The following ZSCAN5A variants were observed in gnomAD, a reference collection of about 807,000 sequenced individuals.
ZSCAN5A encodes the protein zinc finger and SCAN domain containing 5A, also known as zinc finger and SCAN domain-containing protein 5A.
A neutral mutation model predicts 23.7 loss-of-function variants in ZSCAN5A; 12 were observed. That is an observed-to-expected ratio of 0.51 (90% CI 0.32 to 0.82). The LOEUF (loss-of-function observed/expected upper bound fraction) is 0.82, where lower values mean the gene tolerates loss of function less well. Ranked by LOEUF, ZSCAN5A falls within the 40% of genes least tolerant of loss-of-function variation. ZSCAN5A has a pLI of 0.03. For missense variants in ZSCAN5A, 597 were observed against 617.9 expected, an observed-to-expected ratio of 0.97 and a Z score of 0.36; for synonymous variants, 257 against 239.9, an observed-to-expected ratio of 1.07 and a Z score of -0.66.
chr19:56,357,451 C>T (rs2041706550), intron 2 of ZSCAN5A, among the ~76,000 whole-genome samples: 1 of 147,902 alleles, frequency 6.8e-6, no homozygotes, highest in African/African-American at 2.6e-5. Context: ...GGGACTCCCT[C>T]ACCCCAAACC....
At chr19:56,224,072 A>T (rs2033633776) in intron 3 of ZSCAN5A, among the ~76,000 whole-genome samples, 1 of 151,634 alleles carries the variant, frequency 6.6e-6, no homozygotes, top group Non-Finnish European at 1.5e-5. Context: ...GGTCCTTTAG[A>T]TGAAATAGTC....
intron 2 of ZSCAN5A, among the ~76,000 whole-genome samples, chr19:56,225,915 T>G (rs951799402): frequency 6.6e-5 from 10 of 150,954 alleles, no homozygotes; most frequent in Non-Finnish European, 1.0e-4. Context: ...GGTTTCTGTA[T>G]TCCTAATCTC....
chr19:56,240,023 G>A (rs574291403), intron 2 of ZSCAN5A, among the ~76,000 whole-genome samples: 11 of 152,140 alleles, frequency 7.2e-5, no homozygotes, highest in South Asian at 2.1e-4. Context: ...TTAGCCAGGC[G>A]TGGTGGCGGG....
At chr19:56,303,532 G>C (rs2040485895) in intron 2 of ZSCAN5A, among the ~76,000 whole-genome samples, 1 of 151,212 alleles carries the variant, frequency 6.6e-6, no homozygotes, top group South Asian at 2.1e-4. Flanking sequence ...GAGGGAGGGA[G>C]GCAAGACGGA....
At chr19:56,259,835 A>G (rs991603326) in intron 2 of ZSCAN5A, among the ~76,000 whole-genome samples, 1 of 152,222 alleles carries the variant, frequency 6.6e-6, no homozygotes, top group African/African-American at 2.4e-5. Flanking sequence ...TTAGCTGGGC[A>G]TGGTGGCACT....
intron 2 of ZSCAN5A, among the ~76,000 whole-genome samples, chr19:56,354,235 T>C (rs2041687480): frequency 6.6e-6 from 1 of 152,250 alleles, no homozygotes; most frequent in African/African-American, 2.4e-5. Flanking sequence ...TGCATGATAA[T>C]GTGCATATTT....
At chr19:56,260,739 G>A (rs1224630533) in intron 2 of ZSCAN5A, among the ~76,000 whole-genome samples, 1 of 152,136 alleles carries the variant, frequency 6.6e-6, no homozygotes, top group East Asian at 1.9e-4. Flanking sequence ...GGATACACAT[G>A]GAATTGACAA....
chr19:56,224,028 C>T (rs567843584), intron 3 of ZSCAN5A, among the ~76,000 whole-genome samples, 194 bp from the exon 4 acceptor site: 147 of 151,756 alleles, frequency 9.7e-4, no homozygotes, highest in Non-Finnish European at 1.8e-3. Context: ...CACCTGCCTG[C>T]GCCTGGAATA....
At chr19:56,289,906 T>A (rs1600199318) in intron 2 of ZSCAN5A, among the ~76,000 whole-genome samples, 1 of 152,140 alleles carries the variant, frequency 6.6e-6, no homozygotes, top group African/African-American at 2.4e-5. Flanking sequence ...GAGCCACCAC[T>A]TCTGACCCTC....
intron 2 of ZSCAN5A, among the ~76,000 whole-genome samples, chr19:56,279,713 T>A (rs1282113218): frequency 6.6e-6 from 1 of 152,158 alleles, no homozygotes; most frequent in Non-Finnish European, 1.5e-5. Flanking sequence ...GGGTTTTTTA[T>A]ACCTAAAAAG....
chr19:56,239,738 A>C (rs7250469), intron 2 of ZSCAN5A, among the ~76,000 whole-genome samples: 34,946 of 152,188 alleles, frequency 0.23, 4,286 homozygotes, highest in African/African-American at 0.32. Flanking sequence ...TACTGACATT[A>C]ATATGTGAAA....
chr19:56,265,763 T>C (rs993733176), intron 2 of ZSCAN5A, among the ~76,000 whole-genome samples: 5 of 152,310 alleles, frequency 3.3e-5, no homozygotes, highest in African/African-American at 7.2e-5. Flanking sequence ...ATCTGCTTCT[T>C]CCACTCTTGC....
chr19:56,366,797 G>C (rs772285653), intron 1 of ZSCAN5A, among the ~76,000 whole-genome samples: 2 of 152,088 alleles, frequency 1.3e-5, no homozygotes, highest in East Asian at 3.9e-4. Context: ...ATGTGCCTAA[G>C]TTTATATATT....
Position 56,271,571 on chromosome 19 carries a change from T to C in ZSCAN5A, c.-128+41712A>G, listed in dbSNP as rs79574070. Among the ~76,000 whole-genome samples, 147 of 152,312 alleles carry C rather than the reference T, an allele frequency of 9.7e-4. 2 individuals are homozygous for C. In the East Asian group the frequency reaches 0.026, roughly 27 times the overall value. On this transcript the variant is annotated intron_variant, in intron 2 of 5. Transcript: ENST00000683990. The stretch of plus-strand genomic sequence containing the variant: ...TATGGCAAATGGCCAACAAGAACTC[T>C]CTCCTCCAGCCTAGTCTGAAGGATC...
chr19:56,274,539 A>AGT, intron 2 of ZSCAN5A: 2 of 152,234 alleles, frequency 1.3e-5, no homozygotes, highest in Admixed American at 1.3e-4. Flanking sequence ...AGACTTGAGG[A>AGT]AAAGTCACAA....
At chr19:56,234,964 G>A (rs73621014) in intron 2 of ZSCAN5A, among the ~76,000 whole-genome samples, 46 of 152,280 alleles carry the variant, frequency 3.0e-4, no homozygotes, top group African/African-American at 1.1e-3. Context: ...CAAAAGAACC[G>A]CACTTGCAGC....
chr19:56,328,987 T>C (rs1219755460), intron 2 of ZSCAN5A, among the ~76,000 whole-genome samples: 3 of 138,710 alleles, frequency 2.2e-5, no homozygotes, highest in African/African-American at 8.3e-5. Context: ...AGAGCGAGAC[T>C]CCGTCTCAAA....
At chr19:56,248,830 G>A (rs977033307) in intron 2 of ZSCAN5A, among the ~76,000 whole-genome samples, 5 of 151,950 alleles carry the variant, frequency 3.3e-5, no homozygotes, top group South Asian at 2.1e-4. Context: ...GCCTCTCCCC[G>A]CCCAGCATCC....
chr19:56,359,025 A>T (rs891113576), intron 2 of ZSCAN5A, among the ~76,000 whole-genome samples: 2 of 152,230 alleles, frequency 1.3e-5, no homozygotes, highest in Non-Finnish European at 2.9e-5. Context: ...CCAGAGAACC[A>T]AGAGCAAATA....
Sources: gnomAD v4.1 joint callset for allele counts (sites outside exome capture counted in the v4.1 genomes callset) on GRCh38, gnomAD v4.1.1 for gene constraint, MANE v1.5 for transcripts, NCBI Gene and HGNC (gene_info 2026-07-23, HGNC 2026-07-21) for gene names.